Variants in DMD observed in about 807,000 individuals in gnomAD.
DMD encodes the protein dystrophin.
DMD carries 63 observed loss-of-function variants against 330.1 expected under a neutral mutation model. That is an observed-to-expected ratio of 0.19 (90% confidence interval 0.16 to 0.24). DMD has a LOEUF of 0.24. Ranked by LOEUF, DMD falls within the 10% of genes least tolerant of loss-of-function variation. The probability of loss-of-function intolerance (pLI) is 1.00; values close to 1 mark genes in which losing one functional copy is unlikely to be tolerated. For synonymous variants in DMD, 1,223 were observed against 959.8 expected (o/e 1.27, Z -5.07); for missense variants, 3,344 against 2,684.1 (o/e 1.25, Z -5.43).
At chrX:31,908,010 A>G (rs994782135) in intron 47 of DMD, among the ~76,000 whole-genome samples, 2 of 112,320 alleles carry the variant, frequency 1.8e-5, no homozygotes, top group Admixed American at 1.9e-4. Context: ...CAAAACCACA[A>G]TGAGATACCA....
At chrX:32,429,376 CT>C (rs760036185) in intron 29 of DMD, among the ~76,000 whole-genome samples, 9,469 of 39,807 alleles carry the variant, frequency 0.24, 735 homozygotes, top group African/African-American at 0.37. Context: ...AGCCTGGATA[CT>C]TTTTTTTGGG....
intron 17 of DMD, among the ~76,000 whole-genome samples, chrX:32,541,154 C>T (rs2148936133): frequency 9.0e-6 from 1 of 111,539 alleles, no homozygotes; most frequent in East Asian, 2.8e-4. Context: ...GTGGTAAATT[C>T]TGTTTTGAAG....
chrX:31,884,249 G>A (rs2094119299), intron 47 of DMD, among the ~76,000 whole-genome samples: 1 of 111,625 alleles, frequency 9.0e-6, no homozygotes, highest in African/African-American at 3.3e-5. Flanking sequence ...CAACCTAAAT[G>A]TCCATCAATA....
At chrX:32,866,491 T>C (rs2082488195) in intron 2 of DMD, among the ~76,000 whole-genome samples, 1 of 110,830 alleles carries the variant, frequency 9.0e-6, no homozygotes, top group Admixed American at 9.6e-5. Flanking sequence ...GGAGTTTTTA[T>C]GAGAAATATC....
At chrX:32,026,523 G>A (rs145669710) in intron 44 of DMD, among the ~76,000 whole-genome samples, 2,262 of 112,185 alleles carry the variant, frequency 0.02, 27 homozygotes, top group Non-Finnish European at 0.032. Flanking sequence ...CATATATAGA[G>A]AATTGAAAAT....
chrX:32,517,063 C>T (rs752065421), intron 18 of DMD: 1 of 111,171 alleles, frequency 9.0e-6, no homozygotes, highest in East Asian at 2.8e-4. Context: ...AAAGTTCCAA[C>T]CCCAACAGCA....
At chrX:33,054,365 A>G (rs1454014304) in intron 1 of DMD, among the ~76,000 whole-genome samples, 6 of 112,118 alleles carry the variant, frequency 5.4e-5, no homozygotes, top group African/African-American at 1.9e-4. Flanking sequence ...ATGGTATAAC[A>G]ACAAAAAATA....
chrX:32,636,026 T>G (rs1159893354), intron 11 of DMD, among the ~76,000 whole-genome samples: 1 of 112,115 alleles, frequency 8.9e-6, no homozygotes, highest in Non-Finnish European at 1.9e-5. Flanking sequence ...TAGACTCAGC[T>G]GCAAAGCCTG....
chrX:32,929,424 T>TTC (rs71931689), intron 2 of DMD, among the ~76,000 whole-genome samples: 330 of 104,560 alleles, frequency 3.2e-3, no homozygotes, highest in African/African-American at 9.0e-3. Context: ...ACCAGCAGCT[T>TTC]TCTCTCTCTC....
chrX:31,208,550 A>C (rs1255469963), intron 65 of DMD, among the ~76,000 whole-genome samples: 6 of 112,134 alleles, frequency 5.4e-5, no homozygotes, highest in African/African-American at 1.9e-4. Flanking sequence ...TTGGTAGATG[A>C]CTATGATGAA....
chrX:33,010,916 G>C (rs1232163884), intron 2 of DMD, among the ~76,000 whole-genome samples: 1 of 111,080 alleles, frequency 9.0e-6, no homozygotes, highest in Non-Finnish European at 1.9e-5. Context: ...GGATTCCTGG[G>C]TCCCACCCTA....
intron 33 of DMD, among the ~76,000 whole-genome samples, chrX:32,383,051 C>A (rs568924689): frequency 9.0e-6 from 1 of 110,828 alleles, no homozygotes; most frequent in Admixed American, 9.6e-5. Flanking sequence ...CCATAAAAAT[C>A]AGAGCATAGA....
chrX:32,694,908 G>A (rs1415516381), intron 9 of DMD, among the ~76,000 whole-genome samples: 2 of 111,775 alleles, frequency 1.8e-5, no homozygotes, highest in African/African-American at 6.5e-5. Flanking sequence ...ACCCACCTTG[G>A]CCTCCCAAAG....
chrX:31,955,961 C>G, intron 45 of DMD, among the ~76,000 whole-genome samples: 1 of 112,441 alleles, frequency 8.9e-6, no homozygotes, highest in Non-Finnish European at 1.9e-5. Context: ...ATCCATTCCA[C>G]TACATTTTGA....
intron 62 of DMD, among the ~76,000 whole-genome samples, chrX:31,267,227 T>G (rs766216880): frequency 1.5e-4 from 17 of 112,509 alleles, no homozygotes; most frequent in South Asian, 7.4e-4. Context: ...CTACTTGTTG[T>G]CTAAATAAAT....
intron 45 of DMD, among the ~76,000 whole-genome samples, chrX:31,949,423 A>C (rs938447708): frequency 9.0e-6 from 1 of 111,456 alleles, no homozygotes; most frequent in Non-Finnish European, 1.9e-5. Context: ...GAATGAAATT[A>C]TTTTCTTAGT....
At chrX:31,739,877 T>G (rs1209349301) in intron 51 of DMD, among the ~76,000 whole-genome samples, 1 of 107,169 alleles carries the variant, frequency 9.3e-6, no homozygotes, top group Non-Finnish European at 1.9e-5. Context: ...GCCTACCAAA[T>G]TTGGTGACTT....
chrX:32,178,971 T>TCTCTCTCTCC (rs1557194190), intron 44 of DMD, among the ~76,000 whole-genome samples: 3 of 103,504 alleles, frequency 2.9e-5, no homozygotes, highest in Non-Finnish European at 5.8e-5. Context: ...TCTCTCTCTC[T>TCTCTCTCTCC]CTCTCTCTCT....
chrX:32,677,193 C>T (rs1031027519), intron 9 of DMD, among the ~76,000 whole-genome samples: 7 of 110,912 alleles, frequency 6.3e-5, no homozygotes, highest in Non-Finnish European at 1.3e-4. Flanking sequence ...TATAACCACA[C>T]AAATAATTTA....
Sources: gnomAD v4.1 joint callset for allele counts (sites outside exome capture counted in the v4.1 genomes callset) on GRCh38, gnomAD v4.1.1 for gene constraint, MANE v1.5 for transcripts, NCBI Gene and HGNC (gene_info 2026-07-23, HGNC 2026-07-21) for gene names.